MID2: variants seen among roughly 807,000 people sequenced by gnomAD.
The protein encoded by MID2 is probable E3 ubiquitin-protein ligase MID2.
In MID2, 13 loss-of-function variants were observed where a neutral mutation model predicts 46.1. The observed-to-expected ratio is 0.28, with a 90% CI of 0.18 to 0.45. The LOEUF (loss-of-function observed/expected upper bound fraction) is 0.45. Among genes scored for constraint, MID2 ranks in the 20% least tolerant of loss-of-function variants. The probability of loss-of-function intolerance (pLI) is 1.00; values close to 1 mark genes in which losing one functional copy is unlikely to be tolerated. For missense variants in MID2, 431 were observed against 575.4 expected (o/e 0.75, Z 2.57); for synonymous variants, 199 against 212.3 (o/e 0.94, Z 0.55).
chrX:107,872,088 T>C (rs1257281322), intron 3 of MID2, among the ~76,000 whole-genome samples: 5 of 111,678 alleles, frequency 4.5e-5, no homozygotes, highest in African/African-American at 1.6e-4. Context: ...ATATGGACGA[T>C]GACTGGTCTT....
chrX:107,860,674 A>G (rs1399896504), intron 3 of MID2, among the ~76,000 whole-genome samples: 1 of 112,478 alleles, frequency 8.9e-6, no homozygotes, highest in African/African-American at 3.2e-5. Context: ...AAAGTAAATT[A>G]TTCATTTGTG....
chrX:107,874,223 G>T (rs2147845109), intron 3 of MID2, among the ~76,000 whole-genome samples: 1 of 111,807 alleles, frequency 8.9e-6, no homozygotes, highest in South Asian at 3.8e-4. Context: ...TGGGAGGAAG[G>T]TGGCTGGATT....
chrX:107,854,716 A>C lies in MID2; in HGVS notation c.816+12A>C, dbSNP rs2147834286. ...GCCAGCAGGTTGAGGTATGTAACAG[A>C]AACATTTGTGATTTTTCAGAGGACC... On this transcript the variant is annotated intron_variant, in intron 3 of 9. Transcript: ENST00000262843. 7.7e-6 allele frequency: 9 copies of C among 1,176,263 alleles called. No individual in the cohort carries two copies. In the South Asian group the frequency reaches 1.4e-4, roughly 19 times the overall value.
chrX:107,846,781 C>G (rs925798625), intron 2 of MID2, among the ~76,000 whole-genome samples: 1 of 111,621 alleles, frequency 9.0e-6, no homozygotes, highest in South Asian at 3.8e-4. Flanking sequence ...TTATCTGTAC[C>G]CTTATCTTTC....
At chrX:107,850,262 G>A (rs891346754) in intron 2 of MID2, among the ~76,000 whole-genome samples, 7 of 110,508 alleles carry the variant, frequency 6.3e-5, no homozygotes, top group Non-Finnish European at 1.1e-4. Flanking sequence ...TAATTACTTG[G>A]CCAAATCAAT....
At chrX:107,875,169 T>G (rs941292956) in intron 3 of MID2, among the ~76,000 whole-genome samples, 44 of 111,625 alleles carry the variant, frequency 3.9e-4, no homozygotes, top group African/African-American at 1.4e-3. Context: ...AAACAAATAC[T>G]GGGAGTCAGA....
At position 107,927,273 on chromosome X, in the gene MID2, T is replaced by C; in HGVS notation, c.*200T>C. 2 of 367,295 alleles carry C rather than the reference T, an allele frequency of 5.4e-6. No individual in the cohort carries two copies. The highest frequency in any genetic ancestry group is 1.9e-4 in the South Asian group (2 of 10,606). The allele number at this position is 367,295 out of a possible 1,213,427, so 30.3% of individuals were successfully genotyped here. A position where few individuals can be genotyped will look rare whatever the true frequency, so the allele number is the denominator to read the frequency against. On this transcript the variant is annotated 3_prime_UTR_variant, in exon 10 of 10. Transcript: ENST00000262843. ...ATTGAGTTTTTCAGAACAAATTATC[T>C]GAGTAGTCTGCGTTCAAGCCATTGG...
chrX:107,882,964 A>G (rs1422563434), intron 3 of MID2, among the ~76,000 whole-genome samples: 4 of 112,206 alleles, frequency 3.6e-5, no homozygotes, highest in East Asian at 2.8e-4. Flanking sequence ...ATGTCCATCA[A>G]TGATAGACTG....
At chrX:107,874,954 G>A (rs757261134) in intron 3 of MID2, among the ~76,000 whole-genome samples, 3 of 111,294 alleles carry the variant, frequency 2.7e-5, no homozygotes, top group Non-Finnish European at 5.7e-5. Flanking sequence ...ATTGAGAAGA[G>A]CCTTACTACC....
At chrX:107,851,887 A>C (rs945541449) in intron 2 of MID2, among the ~76,000 whole-genome samples, 9 of 103,064 alleles carry the variant, frequency 8.7e-5, no homozygotes, top group Non-Finnish European at 1.7e-4. Flanking sequence ...TTATTTATTT[A>C]TTTATTTATT....
intron 3 of MID2, among the ~76,000 whole-genome samples, chrX:107,889,066 C>A (rs1181604404): frequency 1.8e-5 from 2 of 111,210 alleles, no homozygotes; most frequent in Non-Finnish European, 3.8e-5. Context: ...GGTCTTGACT[C>A]TTTATCCAAT....
Position 107,890,631 on chromosome X carries a change from C to T in MID2, c.817-13327C>T, listed in dbSNP as rs774624952. On this transcript the variant is annotated intron_variant, in intron 3 of 9. Transcript: ENST00000262843. ...CCAGCTGTGTGCTGGGAGAACCACTCCTCTCTTCAAAGCTGTCAGACAGGG... is the reference window on the plus strand; with the variant it reads ...CCAGCTGTGTGCTGGGAGAACCACTTCTCTCTTCAAAGCTGTCAGACAGGG... Among the ~76,000 whole-genome samples the T allele has an allele frequency of 8.0e-5, 9 of 112,184 alleles. No homozygotes were observed. The South Asian group carries it at 3.0e-3, about 38-fold the overall frequency.
At chrX:107,873,354 T>C (rs924416044) in intron 3 of MID2, among the ~76,000 whole-genome samples, 2 of 111,890 alleles carry the variant, frequency 1.8e-5, no homozygotes, top group Non-Finnish European at 3.8e-5. Flanking sequence ...AAGCTGTCGA[T>C]TAAGGGGATT....
intron 3 of MID2, among the ~76,000 whole-genome samples, chrX:107,899,187 C>T (rs1932774322): frequency 1.0e-5 from 1 of 97,540 alleles, no homozygotes; most frequent in Admixed American, 1.1e-4. Flanking sequence ...CCCCCTCCCC[C>T]CCCCCAAAAA....
At chrX:107,907,776 A>C (rs1197300533) in intron 5 of MID2, among the ~76,000 whole-genome samples, 1 of 112,194 alleles carries the variant, frequency 8.9e-6, no homozygotes. Context: ...ATTTATATCC[A>C]AGTAATACCT....
rs1933238811 is a variant in MID2, at chrX:107,929,099, A to G, written c.*2026A>G. Among the ~76,000 whole-genome samples the G allele has an allele frequency of 9.0e-6, 1 of 111,694 alleles. No homozygotes were observed. Among genetic ancestry groups the G allele is most frequent in the African/African-American group, 3.2e-5 (1 of 30,770 alleles). ...CTTCACAAGGCTGTTTCAAAGGTTA[A>G]AAAAGATAGCATATGTAAACTGTCT... On this transcript the variant is annotated 3_prime_UTR_variant, in exon 10 of 10. Transcript: ENST00000262843.
intron 2 of MID2, among the ~76,000 whole-genome samples, chrX:107,844,506 T>C (rs766613378): frequency 9.0e-6 from 1 of 111,715 alleles, no homozygotes; most frequent in East Asian, 2.8e-4. Flanking sequence ...TAAAACGGCT[T>C]CATATTTTAG....
intron 3 of MID2, among the ~76,000 whole-genome samples, chrX:107,858,037 C>T (rs956199148): frequency 8.9e-6 from 1 of 112,195 alleles, no homozygotes; most frequent in African/African-American, 3.2e-5. Flanking sequence ...TATCATGGTT[C>T]TTTCTCCCTG....
intron 2 of MID2, among the ~76,000 whole-genome samples, chrX:107,846,460 T>A (rs1931481288): frequency 9.1e-6 from 1 of 110,068 alleles, no homozygotes; most frequent in Non-Finnish European, 1.9e-5. Flanking sequence ...AACTCAATGC[T>A]CATAAAATCA....
Sources: gnomAD v4.1 joint callset for allele counts (sites outside exome capture counted in the v4.1 genomes callset) on GRCh38, gnomAD v4.1.1 for gene constraint, MANE v1.5 for transcripts, NCBI Gene and HGNC (gene_info 2026-07-23, HGNC 2026-07-21) for gene names.